DYNC2H1: variants seen among roughly 807,000 people sequenced by gnomAD.
DYNC2H1 encodes dynein cytoplasmic 2 heavy chain 1.
DYNC2H1 carries 410 observed loss-of-function variants against 570.0 expected under a neutral mutation model. The ratio of observed to expected loss-of-function variants is 0.72; its 90% CI spans 0.66 to 0.78. The LOEUF is 0.78. DYNC2H1 is among the 30% of genes least tolerant of loss of function. DYNC2H1 has a pLI of 0.00. For missense variants in DYNC2H1, 4,865 were observed against 5,046.4 expected (o/e 0.96, Z 1.09); for synonymous variants, 1,688 against 1,677.6 (o/e 1.01, Z -0.15).
chr11:103,372,812 C>T (rs1255169942), intron 83 of DYNC2H1, among the ~76,000 whole-genome samples: 4 of 152,100 alleles, frequency 2.6e-5, no homozygotes, highest in Non-Finnish European at 4.4e-5. Context: ...GTTTGAAGAA[C>T]ATTGGTATTA....
At chr11:103,250,563 A>G (rs1565431278) in intron 65 of DYNC2H1, among the ~76,000 whole-genome samples, 3 of 152,130 alleles carry the variant, frequency 2.0e-5, no homozygotes, top group Non-Finnish European at 4.4e-5. Flanking sequence ...GTAGCCAACC[A>G]ACTTTTAATG....
chr11:103,419,171 G>A (rs1042913378), intron 84 of DYNC2H1, among the ~76,000 whole-genome samples: 2 of 152,170 alleles, frequency 1.3e-5, no homozygotes, highest in African/African-American at 4.8e-5. Flanking sequence ...GGTGGCGGCC[G>A]TCTCTGCGAT....
intron 83 of DYNC2H1, among the ~76,000 whole-genome samples, chr11:103,367,713 A>G (rs1032315328): frequency 6.6e-6 from 1 of 152,080 alleles, no homozygotes; most frequent in African/African-American, 2.4e-5. Flanking sequence ...CTTATTCCTT[A>G]TATCTAATTA....
chr11:103,262,598 A>T (rs1865344515), intron 70 of DYNC2H1, among the ~76,000 whole-genome samples: 1 of 152,134 alleles, frequency 6.6e-6, no homozygotes, highest in South Asian at 2.1e-4. Flanking sequence ...ATCTCACCAA[A>T]CTAAGCTTCA....
intron 40 of DYNC2H1, among the ~76,000 whole-genome samples, chr11:103,183,398 G>A (rs187935174): frequency 2.0e-5 from 3 of 151,922 alleles, no homozygotes; most frequent in East Asian, 3.9e-4. Context: ...ATGACGACAG[G>A]ATAAGATTGT....
chr11:103,181,985 T>G lies in DYNC2H1; in HGVS notation c.6477+99T>G. Reference sequence around the variant, plus strand: ...CTTGTGGTAGAACTCTGCTGGAATGTGGGTGTGAGGTGAGAGGTGGATTTT... The same window carrying G: ...CTTGTGGTAGAACTCTGCTGGAATGGGGGTGTGAGGTGAGAGGTGGATTTT... On this transcript the variant is annotated intron_variant, in intron 40 of 88. Coordinates refer to ENST00000375735, the MANE Select transcript of DYNC2H1 (RefSeq NM_001377.3). This position sits in a 1 kb window ranked among gnomAD's most constrained non-coding sequence, Gnocchi z 5.0. 7.3e-7 allele frequency: 1 copy of G among 1,366,040 alleles called. No individual in the cohort carries two copies. The highest frequency in any genetic ancestry group is 1.0e-6 in the Non-Finnish European group (1 of 1,003,286). 84.6% of individuals were successfully genotyped at this position (1,366,040 alleles called of 1,614,324 possible). A position where few individuals can be genotyped will look rare whatever the true frequency, so the allele number is the denominator to read the frequency against.
chr11:103,154,441 G>T lies in DYNC2H1; in HGVS notation c.3303-10G>T, dbSNP rs1221009115. Reference sequence around the variant, plus strand: ...TTTAAAATTTAATATTTCAATATTTGTTTCTATAGTGATGATTGCCATCAT... The same window carrying T: ...TTTAAAATTTAATATTTCAATATTTTTTTCTATAGTGATGATTGCCATCAT... On this transcript the variant is annotated splice_polypyrimidine_tract_variant and intron_variant, in intron 22 of 88. Coordinates refer to ENST00000375735, the MANE Select transcript of DYNC2H1 (RefSeq NM_001377.3). The T allele has an allele frequency of 1.3e-6, 2 of 1,510,876 alleles. No homozygotes were observed. The highest frequency in any genetic ancestry group is 1.8e-6 in the Non-Finnish European group (2 of 1,136,096). The allele number at this position is 1,510,876 out of a possible 1,614,324, so 93.6% of individuals were successfully genotyped here.
rs989950835 is a variant in DYNC2H1, at chr11:103,369,901, G to C, written c.12156+11542G>C. Among the ~76,000 whole-genome samples the C allele has an allele frequency of 6.6e-6, 1 of 152,196 alleles. No individual in the cohort carries two copies. The highest frequency in any genetic ancestry group is 6.5e-5 in the Admixed American group (1 of 15,278). On this transcript the variant is annotated intron_variant, in intron 83 of 88. Coordinates refer to ENST00000375735, the MANE Select transcript of DYNC2H1 (RefSeq NM_001377.3). The surrounding 1 kb of genome is among the most constrained non-coding windows in gnomAD (Gnocchi z 4.0). ...ACTCAGCACATTCCCAGCTGTGGTG[G>C]TTGTGGAGAAAGACTCCTTCCACTT...
chr11:103,409,707 G>T (rs1392846604), intron 84 of DYNC2H1: 1 of 154,810 alleles, frequency 6.5e-6, no homozygotes, highest in African/African-American at 2.4e-5. Flanking sequence ...GGCTCGGTAG[G>T]TTTGTCACTG....
In DYNC2H1 at chr11:103,186,707, AAGAC is replaced by A. The variant is rs1467429990; in HGVS notation, c.6893+209_6893+212del. 1.3e-5 allele frequency among the ~76,000 whole-genome samples: 2 copies of A among 151,780 alleles called. No homozygotes were observed. Among genetic ancestry groups the A allele is most frequent in the Non-Finnish European group, 2.9e-5 (2 of 67,890 alleles). ...TCCAGGTTGTGTGATTTCTACTGGA[AAGAC>A]AGCAATCTGAGAAGATACTCTTAAA... On this transcript the variant is annotated intron_variant, in intron 42 of 88. Coordinates refer to ENST00000375735, the MANE Select transcript of DYNC2H1 (RefSeq NM_001377.3). The surrounding 1 kb of genome is among the most constrained non-coding windows in gnomAD (Gnocchi z 4.5).
chr11:103,219,061 A>T (rs1461548420), intron 55 of DYNC2H1, among the ~76,000 whole-genome samples: 1 of 152,176 alleles, frequency 6.6e-6, no homozygotes, highest in Non-Finnish European at 1.5e-5. Context: ...GGGCTGTTTA[A>T]GTGTTTAATA....
chr11:103,176,295 T>G lies in DYNC2H1; in HGVS notation c.5735T>G (p.Phe1912Cys). Residue 1912 changes from phenylalanine (F) to cysteine (C), a missense_variant, in exon 37 of 89, where the codon TTT becomes TGT. Transcript: ENST00000375735. Reference protein sequence around the residue: ...LRLNTMSKFTFTDCTRFDALI... With the variant: ...LRLNTMSKFTCTDCTRFDALI... Reference sequence around the variant, plus strand: ...CTTAATACCATGTCAAAGTTTACGTTTACTGATTGCACCCGGTTTGATGCA... The same window carrying G: ...CTTAATACCATGTCAAAGTTTACGTGTACTGATTGCACCCGGTTTGATGCA... 2 of 1,549,528 alleles carry G rather than the reference T, an allele frequency of 1.3e-6. No individual in the cohort carries two copies. Among genetic ancestry groups the G allele is most frequent in the South Asian group, 2.4e-5 (2 of 82,424 alleles).
chr11:103,310,150 A>C (rs1435084397), intron 78 of DYNC2H1, among the ~76,000 whole-genome samples: 2 of 152,032 alleles, frequency 1.3e-5, no homozygotes, highest in African/African-American at 4.8e-5. Context: ...TGTTTAAAAA[A>C]TTGTTTTTCC....
At chr11:103,281,756 G>C (rs1419759737) in intron 71 of DYNC2H1, among the ~76,000 whole-genome samples, 3 of 150,078 alleles carry the variant, frequency 2.0e-5, no homozygotes, top group African/African-American at 7.3e-5. Flanking sequence ...CTCCCAATCA[G>C]TGAGAAAAAA....
At chr11:103,332,312 G>GAAAAA (rs71962098) in intron 82 of DYNC2H1, among the ~76,000 whole-genome samples, 1 of 122,546 alleles carries the variant, frequency 8.2e-6, no homozygotes, top group African/African-American at 3.0e-5. Context: ...AAAAAACTGG[G>GAAAAA]AAAAAAAAAA....
At chr11:103,171,261 C>G (rs1277429934) in intron 34 of DYNC2H1, among the ~76,000 whole-genome samples, 193 bp downstream of exon 34, 1 of 150,684 alleles carries the variant, frequency 6.6e-6, no homozygotes, top group Non-Finnish European at 1.5e-5. Context: ...TTTCATTATT[C>G]TTTTTTTTTG....
At chr11:103,194,189 G>T (rs1053849394) in intron 47 of DYNC2H1, among the ~76,000 whole-genome samples, 1 of 151,184 alleles carries the variant, frequency 6.6e-6, no homozygotes, top group Non-Finnish European at 1.5e-5. Context: ...GTCACTTCAA[G>T]AAAGTTATCT....
chr11:103,463,247 C>G (rs1464498855), intron 87 of DYNC2H1, among the ~76,000 whole-genome samples: 1 of 151,984 alleles, frequency 6.6e-6, no homozygotes, highest in Non-Finnish European at 1.5e-5. Flanking sequence ...GTGTCAGAAA[C>G]AGGACAGAAA....
chr11:103,293,895 G>A (rs951585096), intron 75 of DYNC2H1, among the ~76,000 whole-genome samples: 1 of 152,004 alleles, frequency 6.6e-6, no homozygotes, highest in Non-Finnish European at 1.5e-5. Flanking sequence ...TGGCCAACAT[G>A]GTGAAACCCC....
Sources: gnomAD v4.1 joint callset for allele counts (sites outside exome capture counted in the v4.1 genomes callset) on GRCh38, gnomAD v4.1.1 for gene constraint, Gnocchi (gnomAD v3.1) non-coding constraint, MANE v1.5 for transcripts, NCBI Gene and HGNC (gene_info 2026-07-23, HGNC 2026-07-21) for gene names.